The following SAXO1 variants were observed in gnomAD, a reference collection of about 807,000 sequenced individuals.
The protein encoded by SAXO1 is stabilizer of axonemal microtubules 1.
SAXO1 carries 21 observed loss-of-function variants against 17.5 expected under a neutral mutation model. That is an observed-to-expected ratio of 1.20 (90% CI 0.85 to 1.72). SAXO1 has a LOEUF of 1.72. SAXO1 is among the 40% of genes most tolerant of loss of function. The pLI, the probability that SAXO1 is intolerant of heterozygous loss-of-function variation, is 0.00. For missense variants in SAXO1, 843 were observed against 596.0 expected (o/e 1.41, Z -4.32); for synonymous variants, 274 against 216.5 (o/e 1.27, Z -2.33).
At chr9:19,031,796 A>C (rs1308753632) in intron 1 of SAXO1, among the ~76,000 whole-genome samples, 1 of 152,176 alleles carries the variant, frequency 6.6e-6, no homozygotes, top group African/African-American at 2.4e-5. Flanking sequence ...GATAGTTTTC[A>C]AACTCCCTGT....
chr9:18,959,889 G>A lies in SAXO1; in HGVS notation c.39-8952C>T, dbSNP rs1832414866. ...AGTAGTAATGCCAAGGAGAGGCCCT[G>A]CTGGACACAGCTGGCCCAGTGCTGG... is the stretch of plus-strand genomic sequence containing the variant. On this transcript the variant is annotated intron_variant, in intron 1 of 3. Transcript: ENST00000380534. Among the ~76,000 whole-genome samples, 5 of 152,284 alleles carry A rather than the reference G, an allele frequency of 3.3e-5. No individual in the cohort carries two copies. In the South Asian group the frequency reaches 1.0e-3, roughly 32 times the overall value.
intron 1 of SAXO1, among the ~76,000 whole-genome samples, chr9:19,012,261 T>C (rs1029750923): frequency 9.9e-5 from 15 of 152,250 alleles, no homozygotes; most frequent in Non-Finnish European, 2.2e-4. Flanking sequence ...TTAGAGCCTT[T>C]TTCTCTCATC....
At position 19,013,540 on chromosome 9, in the gene SAXO1, A is replaced by ATTTT. The variant is rs1219136885; in HGVS notation, c.38+19327_38+19330dup. On this transcript the variant is annotated intron_variant, in intron 1 of 3. Transcript: ENST00000380534. The stretch of plus-strand genomic sequence containing the variant: ...ATTTCAGAAGAAACTAAAAGTACGG[A>ATTTT]TTTTTTTTTTTTTTTTTTTTTTTTG... 3.9e-3 allele frequency among the ~76,000 whole-genome samples: 368 copies of ATTTT among 93,180 alleles called. 12 individuals carry two copies. The highest frequency in any genetic ancestry group is 0.012 in the African/African-American group (283 of 23,310). 61.1% of individuals were successfully genotyped at this position (93,180 alleles called of 152,430 possible). A position where few individuals can be genotyped will look rare whatever the true frequency, so the allele number is the denominator to read the frequency against.
At chr9:19,039,174 C>T (rs1836016340) in intron 1 of SAXO1, among the ~76,000 whole-genome samples, 5 of 151,932 alleles carry the variant, frequency 3.3e-5, no homozygotes, top group Admixed American at 3.3e-4. Context: ...AAACTGAAAC[C>T]AGCAACATAT....
chr9:19,001,315 C>G (rs1279198079), intron 1 of SAXO1, among the ~76,000 whole-genome samples: 1 of 152,152 alleles, frequency 6.6e-6, no homozygotes, highest in Non-Finnish European at 1.5e-5. Context: ...TACATGGAAA[C>G]TGAACAACCT....
At chr9:19,028,200 T>TA in intron 1 of SAXO1, 1 of 1,148,742 alleles carries the variant, frequency 8.7e-7, no homozygotes, top group Admixed American at 2.3e-5. Context: ...AGAGGCAAAA[T>TA]AAAACAAAAC....
intron 1 of SAXO1, among the ~76,000 whole-genome samples, chr9:19,044,292 C>A (rs1441612563): frequency 1.3e-5 from 2 of 152,128 alleles, no homozygotes; most frequent in Admixed American, 1.3e-4. Flanking sequence ...TATGTACCCA[C>A]AAAAATTAAA....
At chr9:18,980,415 TA>T (rs1833324421) in intron 1 of SAXO1, among the ~76,000 whole-genome samples, 1 of 151,932 alleles carries the variant, frequency 6.6e-6, no homozygotes, top group Non-Finnish European at 1.5e-5. Context: ...AGTTGAGTTT[TA>T]GCAGCTCATT....
intron 1 of SAXO1, among the ~76,000 whole-genome samples, chr9:19,012,057 G>A (rs1201991571): frequency 6.6e-6 from 1 of 151,958 alleles, no homozygotes; most frequent in African/African-American, 2.4e-5. Flanking sequence ...TGTTGGCCAG[G>A]ATGGTCTCGA....
intron 1 of SAXO1, among the ~76,000 whole-genome samples, chr9:19,024,806 G>A (rs1185228489): frequency 6.6e-6 from 1 of 151,550 alleles, no homozygotes; most frequent in East Asian, 1.9e-4. Flanking sequence ...CACCCATCCC[G>A]AGACATGTCA....
intron 3 of SAXO1, among the ~76,000 whole-genome samples, chr9:18,936,933 A>T (rs960563229): frequency 6.6e-6 from 1 of 152,172 alleles, no homozygotes; most frequent in African/African-American, 2.4e-5. Flanking sequence ...GGAAAAAAAG[A>T]TTTCATATTT....
intron 1 of SAXO1, among the ~76,000 whole-genome samples, chr9:19,011,240 G>C (rs1304782253): frequency 6.6e-6 from 1 of 152,160 alleles, no homozygotes; most frequent in African/African-American, 2.4e-5. Flanking sequence ...CTCATTTTCT[G>C]ACTGTCCCAT....
chr9:19,040,078 A>G (rs4977278), intron 1 of SAXO1, among the ~76,000 whole-genome samples: 74,008 of 152,068 alleles, frequency 0.49, 19,679 homozygotes, highest in African/African-American at 0.72. Context: ...GTTCCAAGGC[A>G]CGGTGCACTG....
At chr9:18,969,486 A>C (rs1832864715) in intron 1 of SAXO1, among the ~76,000 whole-genome samples, 1 of 152,210 alleles carries the variant, frequency 6.6e-6, no homozygotes, top group Non-Finnish European at 1.5e-5. Context: ...TCCCTATTTT[A>C]AAACAGTAAC....
intron 1 of SAXO1, among the ~76,000 whole-genome samples, chr9:19,008,884 T>C (rs1348848118): frequency 2.6e-5 from 4 of 152,176 alleles, no homozygotes; most frequent in African/African-American, 9.6e-5. Flanking sequence ...TCAGCATGCA[T>C]GCAACTTAGC....
intron 1 of SAXO1, among the ~76,000 whole-genome samples, chr9:19,047,446 G>T (rs2131080117): frequency 6.6e-6 from 1 of 152,326 alleles, no homozygotes; most frequent in East Asian, 1.9e-4. Flanking sequence ...TGACAGAATA[G>T]AGGAAATACA....
intron 1 of SAXO1, among the ~76,000 whole-genome samples, 177 bp from the exon 2 acceptor site, chr9:18,951,114 A>C (rs1832020731): frequency 6.6e-6 from 1 of 152,218 alleles, no homozygotes; most frequent in African/African-American, 2.4e-5. Flanking sequence ...CAGAATATAA[A>C]GGTGGTCTGT....
At chr9:18,944,289 T>G (rs1563933776) in intron 2 of SAXO1, among the ~76,000 whole-genome samples, 2 of 152,222 alleles carry the variant, frequency 1.3e-5, no homozygotes, top group Non-Finnish European at 2.9e-5. Context: ...ATAGTTACTG[T>G]GGCTTAGGAG....
At chr9:19,042,854 C>T (rs1380482688) in intron 1 of SAXO1, among the ~76,000 whole-genome samples, 2 of 150,346 alleles carry the variant, frequency 1.3e-5, no homozygotes, top group African/African-American at 2.5e-5. Flanking sequence ...AAGAGCAAAA[C>T]TCTGCCTCAT....
Sources: gnomAD v4.1 joint callset for allele counts (sites outside exome capture counted in the v4.1 genomes callset) on GRCh38, gnomAD v4.1.1 for gene constraint, MANE v1.5 for transcripts, NCBI Gene and HGNC (gene_info 2026-07-23, HGNC 2026-07-21) for gene names.